The following ANGPT1 variants were observed in gnomAD, a reference collection of about 807,000 sequenced individuals.
ANGPT1 encodes angiopoietin-1.
Under a neutral mutation model 62.2 loss-of-function variants are expected in ANGPT1, and 17 were observed. That is an observed-to-expected ratio of 0.27 (90% confidence interval 0.19 to 0.41). The LOEUF (loss-of-function observed/expected upper bound fraction) is 0.41. Among genes scored for constraint, ANGPT1 ranks in the 10% least tolerant of loss-of-function variants. The pLI, the probability that ANGPT1 is intolerant of heterozygous loss-of-function variation, is 1.00. For missense variants in ANGPT1, 478 were observed against 594.9 expected (o/e 0.80, Z 2.04); for synonymous variants, 199 against 198.9 (o/e 1.00, Z 0.00).
intron 1 of ANGPT1, among the ~76,000 whole-genome samples, chr8:107,361,511 TA>T (rs1342404819): frequency 3.6e-5 from 1 of 27,918 alleles, no homozygotes; most frequent in Non-Finnish European, 8.6e-5. Context: ...TATCTATATC[TA>T]TAGAATATAT....
intron 1 of ANGPT1, among the ~76,000 whole-genome samples, chr8:107,444,784 C>G (rs1811570654): frequency 1.3e-5 from 2 of 152,064 alleles, no homozygotes; most frequent in Admixed American, 1.3e-4. Flanking sequence ...ACAATGATTT[C>G]TAGATCAGAT....
intron 1 of ANGPT1, among the ~76,000 whole-genome samples, chr8:107,386,727 G>A (rs1472900809): frequency 6.6e-6 from 1 of 152,040 alleles, no homozygotes; most frequent in Non-Finnish European, 1.5e-5. Flanking sequence ...TACATATAGA[G>A]CATTCATTAT....
At position 107,347,054 on chromosome 8, in the gene ANGPT1, T is replaced by A. The variant is rs764056089; in HGVS notation, c.341A>T (p.Gln114Leu). The A allele has an allele frequency of 6.2e-7, 1 of 1,613,750 alleles. No homozygotes were observed. The change falls in exon 2 of 9, where the codon CAG becomes CTG. Residue 114 changes from glutamine (Q) to leucine (L), a missense_variant. By Grantham distance (113) the Gln-to-Leu change is moderately radical. Coordinates refer to ENST00000517746, the MANE Select transcript of ANGPT1 (RefSeq NM_001146.5). ...GTTCTGAACTGCATTCTGCTGTATC[T>A]GGGCCATCTCCGACTTCATGTTTTC... Reference protein sequence around the residue: ...IVENMKSEMAQIQQNAVQNHT... With the variant: ...IVENMKSEMALIQQNAVQNHT...
At chr8:107,378,999 C>G (rs977059327) in intron 1 of ANGPT1, among the ~76,000 whole-genome samples, 1 of 151,160 alleles carries the variant, frequency 6.6e-6, no homozygotes, top group East Asian at 1.9e-4. Context: ...ACAGTCTATT[C>G]ATATTTTTCT....
chr8:107,428,384 A>G (rs933033707), intron 1 of ANGPT1, among the ~76,000 whole-genome samples: 3 of 152,146 alleles, frequency 2.0e-5, no homozygotes, highest in Non-Finnish European at 2.9e-5. Flanking sequence ...ACTGACCCCC[A>G]TGAGACTTTT....
At chr8:107,337,386 A>G (rs1274457838) in intron 2 of ANGPT1, among the ~76,000 whole-genome samples, 3 of 152,128 alleles carry the variant, frequency 2.0e-5, no homozygotes, top group Non-Finnish European at 4.4e-5. Context: ...CTTGAATCAC[A>G]ATGACCCATG....
chr8:107,307,763 C>T (rs547890941), intron 4 of ANGPT1, among the ~76,000 whole-genome samples: 31 of 152,192 alleles, frequency 2.0e-4, no homozygotes, highest in East Asian at 5.8e-4. Flanking sequence ...CTTCCAACTG[C>T]GGCACAAAAG....
intron 1 of ANGPT1, among the ~76,000 whole-genome samples, chr8:107,451,093 G>A (rs1382661226): frequency 2.0e-5 from 3 of 151,538 alleles, no homozygotes; most frequent in Non-Finnish European, 4.4e-5. Flanking sequence ...TTTAATCACG[G>A]CCAGAGAAAG....
intron 5 of ANGPT1, among the ~76,000 whole-genome samples, chr8:107,301,206 A>AT (rs1388676468): frequency 6.6e-6 from 1 of 151,922 alleles, no homozygotes; most frequent in Non-Finnish European, 1.5e-5. Flanking sequence ...TTTGGGAATT[A>AT]TTTTTCGATT....
chr8:107,285,293 C>T (rs1814112615), intron 6 of ANGPT1, among the ~76,000 whole-genome samples: 1 of 152,006 alleles, frequency 6.6e-6, no homozygotes, highest in Admixed American at 6.6e-5. Context: ...TTCACAAATG[C>T]AATTATGTTT....
At chr8:107,352,414 C>T (rs772206012) in intron 1 of ANGPT1, among the ~76,000 whole-genome samples, 2 of 152,184 alleles carry the variant, frequency 1.3e-5, no homozygotes, top group East Asian at 1.9e-4. Flanking sequence ...TATCATAAAT[C>T]ACATGCCCCT....
intron 1 of ANGPT1, among the ~76,000 whole-genome samples, chr8:107,487,419 G>A (rs1812842815): frequency 6.6e-6 from 1 of 151,918 alleles, no homozygotes. Context: ...AAACCATTTG[G>A]AAGCCAGAAA....
intron 1 of ANGPT1, among the ~76,000 whole-genome samples, chr8:107,353,047 T>C (rs73702036): frequency 2.6e-5 from 4 of 152,220 alleles, no homozygotes; most frequent in African/African-American, 2.4e-5. Context: ...ATTTCTTTTA[T>C]GAAATGGAGA....
chr8:107,409,997 G>T (rs1270060429), intron 1 of ANGPT1, among the ~76,000 whole-genome samples: 1 of 151,638 alleles, frequency 6.6e-6, no homozygotes, highest in East Asian at 1.9e-4. Context: ...AACCATCCAA[G>T]ATTTATTGAG....
At chr8:107,376,044 C>T (rs1201046467) in intron 1 of ANGPT1, among the ~76,000 whole-genome samples, 1 of 152,126 alleles carries the variant, frequency 6.6e-6, no homozygotes, top group African/African-American at 2.4e-5. Context: ...AGATTTTTAT[C>T]CCTATTCCTT....
At chr8:107,486,940 A>G (rs889984645) in intron 1 of ANGPT1, among the ~76,000 whole-genome samples, 14 of 152,278 alleles carry the variant, frequency 9.2e-5, no homozygotes, top group Admixed American at 9.2e-4. Context: ...GCTGAAGTGC[A>G]TATTTGATTA....
At chr8:107,379,744 A>G (rs969815161) in intron 1 of ANGPT1, among the ~76,000 whole-genome samples, 2 of 152,178 alleles carry the variant, frequency 1.3e-5, no homozygotes, top group African/African-American at 4.8e-5. Context: ...CTATAGCTTT[A>G]TGGTATTTCA....
chr8:107,320,967 TAAC>T lies in ANGPT1; in HGVS notation c.808+926_808+928del, dbSNP rs1189818503. Among the ~76,000 whole-genome samples the T allele has an allele frequency of 3.3e-5, 5 of 152,262 alleles. No homozygotes were observed. In the South Asian group the frequency reaches 1.0e-3, roughly 32 times the overall value. On this transcript the variant is annotated intron_variant, in intron 4 of 8. Transcript: ENST00000517746. Reference sequence around the variant, plus strand: ...AATGGTCACATAAGCCACAGCTTAATAACAACAACTTGCAGATGTAAGTGGTAT... The same window carrying T: ...AATGGTCACATAAGCCACAGCTTAATAACAACTTGCAGATGTAAGTGGTAT...
At chr8:107,406,069 T>C (rs1446865978) in intron 1 of ANGPT1, among the ~76,000 whole-genome samples, 1 of 151,920 alleles carries the variant, frequency 6.6e-6, no homozygotes, top group African/African-American at 2.4e-5. Flanking sequence ...TAAAATAGTT[T>C]TTAATCTTTT....
Sources: gnomAD v4.1 joint callset for allele counts (sites outside exome capture counted in the v4.1 genomes callset) on GRCh38, gnomAD v4.1.1 for gene constraint, MANE v1.5 for transcripts, NCBI Gene and HGNC (gene_info 2026-07-23, HGNC 2026-07-21) for gene names.